Variants in ZSWIM6 observed in about 807,000 individuals in gnomAD.
ZSWIM6 encodes zinc finger SWIM domain-containing protein 6.
ZSWIM6 carries 9 observed loss-of-function variants against 113.2 expected under a neutral mutation model. The ratio of observed to expected loss-of-function variants is 0.08; its 90% CI spans 0.05 to 0.14. The LOEUF is 0.14. Among genes scored for constraint, ZSWIM6 ranks in the 10% least tolerant of loss-of-function variants. The pLI is 1.00. For synonymous variants in ZSWIM6, 611 were observed against 606.5 expected, an observed-to-expected ratio of 1.01 and a Z score of -0.11; for missense variants, 1,162 against 1,552.2, an observed-to-expected ratio of 0.75 and a Z score of 4.22.
intron 1 of ZSWIM6, chr5:61,391,136 G>A (rs563000784): frequency 9.1e-6 from 7 of 772,872 alleles, no homozygotes; most frequent in African/African-American, 5.1e-5. Context: ...CACAGGCCTC[G>A]ATGGGTCTTG....
chr5:61,526,138 G>A lies in ZSWIM6; in HGVS notation c.1691-112G>A, dbSNP rs944160491. 3 of 1,428,274 alleles carry A rather than the reference G, an allele frequency of 2.1e-6. No individual in the cohort carries two copies. The African/African-American group carries it at 4.3e-5, about 21-fold the overall frequency. 88.5% of individuals were successfully genotyped at this position (1,428,274 alleles called of 1,614,324 possible). Reference sequence around the variant, plus strand: ...TTCATTCAAATCCAAGTTCAGGAATGGTTTCTTGTGTCTTTTTAATAGTAT... The same window carrying A: ...TTCATTCAAATCCAAGTTCAGGAATAGTTTCTTGTGTCTTTTTAATAGTAT... On this transcript the variant is annotated intron_variant, in intron 6 of 13. Transcript: ENST00000252744.
At chr5:61,538,722 C>T in intron 10 of ZSWIM6, 92 bp from the exon 11 acceptor site, 1 of 1,392,190 alleles carries the variant, frequency 7.2e-7, no homozygotes, top group East Asian at 2.5e-5. Context: ...TGAACATCTA[C>T]CCACTCCTCT....
chr5:61,386,861 C>T (rs1256609758), intron 1 of ZSWIM6, among the ~76,000 whole-genome samples: 1 of 152,304 alleles, frequency 6.6e-6, no homozygotes, highest in East Asian at 1.9e-4. Flanking sequence ...TTTACTGTCT[C>T]AGAGAACATT....
At chr5:61,410,215 C>A (rs1351242494) in intron 1 of ZSWIM6, among the ~76,000 whole-genome samples, 1 of 152,118 alleles carries the variant, frequency 6.6e-6, no homozygotes, top group African/African-American at 2.4e-5. Context: ...CCCTAAATTA[C>A]CCCGGTACTC....
chr5:61,397,892 C>T (rs1745873655), intron 1 of ZSWIM6, among the ~76,000 whole-genome samples: 1 of 152,166 alleles, frequency 6.6e-6, no homozygotes, highest in African/African-American at 2.4e-5. Flanking sequence ...ATGAAATTTA[C>T]CTATTAATGT....
At position 61,441,157 on chromosome 5, in the gene ZSWIM6, A is replaced by G. The variant is rs151179110; in HGVS notation, c.677-31524A>G. ...TTCATCTAGATTAGAGATAATCTAC[A>G]TGAGATTATATTATGTATAAAAATT... On this transcript the variant is annotated intron_variant, in intron 1 of 13. Transcript: ENST00000252744. Among the ~76,000 whole-genome samples the G allele has an allele frequency of 2.9e-3, 447 of 152,356 alleles. 11 individuals are homozygous for G. The highest frequency in any genetic ancestry group is 0.026 in the Admixed American group (396 of 15,298).
intron 1 of ZSWIM6, among the ~76,000 whole-genome samples, chr5:61,350,804 A>G (rs556362142): frequency 1.3e-5 from 2 of 152,340 alleles, no homozygotes; most frequent in South Asian, 2.1e-4. Context: ...TCAAGTCCTT[A>G]TAAAATGGGA....
rs576465289 is a variant in ZSWIM6, at chr5:61,392,362, T to C, written c.676+59414T>C. 3.3e-5 allele frequency among the ~76,000 whole-genome samples: 5 copies of C among 152,342 alleles called. No homozygotes were observed. The East Asian group carries it at 9.6e-4, about 29-fold the overall frequency. ...TGATGAATATGCCTGTTCTGGAATA[T>C]GTCTTTAAAAATTTTTTTAAATGAT... On this transcript the variant is annotated intron_variant, in intron 1 of 13. Transcript: ENST00000252744.
In ZSWIM6 at chr5:61,539,771, GT is replaced by G; in HGVS notation, c.2703+13del. The G allele has an allele frequency of 6.5e-7, 1 of 1,546,528 alleles. No homozygotes were observed. Among genetic ancestry groups the G allele is most frequent in the Non-Finnish European group, 8.7e-7 (1 of 1,144,164 alleles). ...AGCTGGGCCTGCAGGTACATGACTG[GT>G]AGTCTTTCCTGGGACATCAAAGACT... On this transcript the variant is annotated intron_variant, in intron 12 of 13. Transcript: ENST00000252744.
Position 61,544,016 on chromosome 5 carries a change from C to T in ZSWIM6, c.3347C>T (p.Pro1116Leu). The T allele has an allele frequency of 6.4e-7, 1 of 1,552,028 alleles. No individual in the cohort carries two copies. Among genetic ancestry groups the T allele is most frequent in the Non-Finnish European group, 8.7e-7 (1 of 1,147,064 alleles). The change falls in exon 14 of 14, where the codon CCT (proline) becomes CTT (leucine). Residue 1116 changes from proline (P) to leucine (L), a missense_variant. By Grantham distance (98) the Pro-to-Leu change is moderately conservative (BLOSUM62 -3). Transcript: ENST00000252744. Reference sequence around the variant, plus strand: ...TTGCGCAGATGCACTCTGACCACTCCTGGCATGGTGGGACTTCATGGGAGG... The same window carrying T: ...TTGCGCAGATGCACTCTGACCACTCTTGGCATGGTGGGACTTCATGGGAGG... The part of the protein sequence containing the change: ...DILRRCTLTT[P>L]GMVGLHGRRN...
intron 1 of ZSWIM6, among the ~76,000 whole-genome samples, chr5:61,404,101 G>A (rs1168648474): frequency 6.6e-6 from 1 of 151,544 alleles, no homozygotes; most frequent in Admixed American, 6.6e-5. Flanking sequence ...TCCGCCTCCC[G>A]GGTTCACTCC....
At chr5:61,371,524 T>G (rs1263321181) in intron 1 of ZSWIM6, among the ~76,000 whole-genome samples, 1 of 152,234 alleles carries the variant, frequency 6.6e-6, no homozygotes, top group African/African-American at 2.4e-5. Context: ...TGGTGATTTG[T>G]TAGGTTTTGG....
intron 1 of ZSWIM6, among the ~76,000 whole-genome samples, chr5:61,427,483 A>AT (rs889242664): frequency 2.6e-5 from 4 of 151,534 alleles, no homozygotes; most frequent in Non-Finnish European, 5.9e-5. Flanking sequence ...TCCCCCAGAT[A>AT]TTTTTTTTCT....
intron 1 of ZSWIM6, among the ~76,000 whole-genome samples, chr5:61,448,011 T>C (rs1747003434): frequency 6.6e-6 from 1 of 152,212 alleles, no homozygotes; most frequent in African/African-American, 2.4e-5. Context: ...TGGTGTCTCA[T>C]TATCCAGATA....
chr5:61,409,715 G>C (rs376085064), intron 1 of ZSWIM6, among the ~76,000 whole-genome samples: 22 of 152,196 alleles, frequency 1.4e-4, no homozygotes, highest in South Asian at 2.1e-4. Flanking sequence ...GTATGAGTCA[G>C]AGTCAGGAAT....
intron 1 of ZSWIM6, among the ~76,000 whole-genome samples, chr5:61,380,996 C>T (rs1745462470): frequency 6.6e-6 from 1 of 151,948 alleles, no homozygotes; most frequent in African/African-American, 2.4e-5. Flanking sequence ...CGCCTGTAAT[C>T]CCAGCACTTT....
chr5:61,469,273 A>C (rs1033068438), intron 1 of ZSWIM6, among the ~76,000 whole-genome samples: 1 of 152,222 alleles, frequency 6.6e-6, no homozygotes, highest in Non-Finnish European at 1.5e-5. Context: ...AGGCGGGCAG[A>C]GTAGAATTTG....
intron 1 of ZSWIM6, among the ~76,000 whole-genome samples, chr5:61,373,634 A>T (rs1166084118): frequency 6.6e-6 from 1 of 152,030 alleles, no homozygotes; most frequent in Non-Finnish European, 1.5e-5. Context: ...TTACCAAATG[A>T]TCTTTAAAAA....
chr5:61,433,790 A>T (rs1162246522), intron 1 of ZSWIM6, among the ~76,000 whole-genome samples: 1 of 151,908 alleles, frequency 6.6e-6, no homozygotes, highest in Non-Finnish European at 1.5e-5. Context: ...CTAGTTTTTT[A>T]AAAAGTACAT....
Sources: gnomAD v4.1 joint callset for allele counts (sites outside exome capture counted in the v4.1 genomes callset) on GRCh38, gnomAD v4.1.1 for gene constraint, MANE v1.5 for transcripts, NCBI Gene and HGNC (gene_info 2026-07-23, HGNC 2026-07-21) for gene names.